The following SCAF8 variants were observed in gnomAD, a reference collection of about 807,000 sequenced individuals.
SCAF8 encodes SR-related and CTD-associated factor 8.
SCAF8 carries 23 observed loss-of-function variants against 140.5 expected under a neutral mutation model. The observed-to-expected ratio is 0.16, with a 90% CI of 0.12 to 0.23. The LOEUF is 0.23. SCAF8 is among the 10% of genes least tolerant of loss of function. The pLI is 1.00. For synonymous variants in SCAF8, 575 were observed against 528.9 expected (o/e 1.09, Z -1.20); for missense variants, 1,397 against 1,555.7 (o/e 0.90, Z 1.72).
chr6:154,823,490 C>A (rs1014002143), intron 16 of SCAF8, among the ~76,000 whole-genome samples: 1 of 152,066 alleles, frequency 6.6e-6, no homozygotes, highest in Non-Finnish European at 1.5e-5. Context: ...TGGTCAGATA[C>A]TAGGTGTATT....
rs759919972 is a variant in SCAF8, at chr6:154,733,838, C to G, written c.-63C>G. 1 of 1,526,126 alleles carries G rather than the reference C, an allele frequency of 6.6e-7. No homozygotes were observed. The highest frequency in any genetic ancestry group is 1.4e-5 in the African/African-American group (1 of 69,200). The allele number at this position is 1,526,126 out of a possible 1,614,324, so 94.5% of individuals were successfully genotyped here. A position where few individuals can be genotyped will look rare whatever the true frequency, so the allele number is the denominator to read the frequency against. ...ACGCAGCAGCCCGCGTCTCGCTCTC[C>G]CCACCCAGTGCAGTGGCCGCCGCCT... is the stretch of plus-strand genomic sequence containing the variant. On this transcript the variant is annotated 5_prime_UTR_variant, in exon 1 of 20. Coordinates refer to ENST00000367178, the MANE Select transcript of SCAF8 (RefSeq NM_014892.5).
intron 1 of SCAF8, among the ~76,000 whole-genome samples, chr6:154,737,003 G>GT (rs1324510956): frequency 3.3e-5 from 5 of 152,004 alleles, no homozygotes; most frequent in Admixed American, 2.6e-4. Context: ...ACATAATACT[G>GT]TTTTTTATTT....
At chr6:154,764,228 GAATT>G (rs1425504067) in intron 1 of SCAF8, among the ~76,000 whole-genome samples, 1 of 151,270 alleles carries the variant, frequency 6.6e-6, no homozygotes, top group Non-Finnish European at 1.5e-5. Flanking sequence ...CATAAAGAAT[GAATT>G]AATTACACTG....
chr6:154,833,033 C>G lies in SCAF8; in HGVS notation c.3454C>G (p.Arg1152Gly). ...GQEVHRDFDD[R>G]RRPWERQRDR... ...AGAAGTTCACAGAGATTTTGATGAC[C>G]GCAGAAGACCCTGGGAGAGGCAAAG... The change falls in exon 20 of 20, where the codon CGC becomes GGC. Residue 1152 changes from arginine to glycine, a missense_variant. Arg to Gly is a moderately radical substitution (Grantham distance 125). Transcript: ENST00000367178. The G allele has an allele frequency of 3.1e-6, 5 of 1,614,040 alleles. 1 individual carries two copies. Among genetic ancestry groups the G allele is most frequent in the Non-Finnish European group, 4.2e-6 (5 of 1,179,992 alleles).
chr6:154,759,238 G>C (rs961261989), intron 1 of SCAF8, among the ~76,000 whole-genome samples: 1 of 152,162 alleles, frequency 6.6e-6, no homozygotes, highest in Non-Finnish European at 1.5e-5. Flanking sequence ...ACTGTAAAGC[G>C]TATGTACCTT....
chr6:154,820,060 T>C, intron 14 of SCAF8, 117 bp from the exon 15 acceptor site: 1 of 758,118 alleles, frequency 1.3e-6, no homozygotes, highest in Non-Finnish European at 1.9e-6. Flanking sequence ...TTTCCAGCTG[T>C]TTTCTAAAAC....
At chr6:154,770,386 ACACTCTCTCT>A (rs1326846998) in intron 1 of SCAF8, among the ~76,000 whole-genome samples, 19 of 133,428 alleles carry the variant, frequency 1.4e-4, no homozygotes, top group African/African-American at 5.4e-4. Flanking sequence ...ACACACACAC[ACACTCTCTCT>A]CTCTCTCTCT....
chr6:154,775,631 A>T (rs971155154), intron 2 of SCAF8, among the ~76,000 whole-genome samples: 2 of 152,198 alleles, frequency 1.3e-5, no homozygotes, highest in African/African-American at 2.4e-5. Flanking sequence ...CTCTTTGGAC[A>T]CAGTGGGACA....
At chr6:154,822,501 C>A in intron 16 of SCAF8, 92 bp downstream of exon 16, 1 of 1,268,298 alleles carries the variant, frequency 7.9e-7, no homozygotes, top group Non-Finnish European at 1.1e-6. Flanking sequence ...GAATGAAAAT[C>A]TCCATATTAG....
chr6:154,827,811 C>T (rs1169963789), intron 18 of SCAF8, among the ~76,000 whole-genome samples: 2 of 147,956 alleles, frequency 1.4e-5, no homozygotes, highest in African/African-American at 2.5e-5. Context: ...GTCCTCCTGC[C>T]CCACACCTTT....
chr6:154,740,625 C>CT (rs66980794), intron 1 of SCAF8, among the ~76,000 whole-genome samples: 32,345 of 138,330 alleles, frequency 0.23, 4,540 homozygotes, highest in African/African-American at 0.39. Flanking sequence ...TTTTCTTTTT[C>CT]TTTTTTTTTT....
chr6:154,822,158 A>G (rs1367194444), intron 15 of SCAF8, 118 bp from the exon 16 acceptor site: 3 of 1,038,292 alleles, frequency 2.9e-6, no homozygotes, highest in East Asian at 2.5e-5. Context: ...GGTTGTGGAT[A>G]TATCTTAAAG....
chr6:154,784,678 T>G (rs190064465), intron 3 of SCAF8, among the ~76,000 whole-genome samples: 9 of 152,160 alleles, frequency 5.9e-5, no homozygotes, highest in Admixed American at 5.2e-4. Context: ...TGATTTAAAG[T>G]AGATGGGATG....
rs1778716217 is a variant in SCAF8, at chr6:154,831,061, A to G, written c.2280A>G (p.Pro760=). 6.2e-7 allele frequency: 1 copy of G among 1,614,014 alleles called. No homozygotes were observed. The highest frequency in any genetic ancestry group is 8.5e-7 in the Non-Finnish European group (1 of 1,179,938). ...ALPAGNVFNA[P]TKQAEPEEKV... ...CAGCTGGAAATGTTTTTAATGCTCCAACTAAACAGGCAGAGCCTGAAGAAA... is the reference window on the plus strand; with the variant it reads ...CAGCTGGAAATGTTTTTAATGCTCCGACTAAACAGGCAGAGCCTGAAGAAA... Residue 760 remains proline, a synonymous_variant, in exon 19 of 20, where the codon CCA becomes CCG. Coordinates refer to ENST00000367178, the MANE Select transcript of SCAF8 (RefSeq NM_014892.5).
At chr6:154,831,866 A>G in intron 19 of SCAF8, 73 bp from the exon 20 acceptor site, 2 of 1,276,874 alleles carry the variant, frequency 1.6e-6, no homozygotes. Flanking sequence ...GGATACAAGT[A>G]GCTGATTAAG....
intron 18 of SCAF8, among the ~76,000 whole-genome samples, chr6:154,828,244 A>G (rs1778625749): frequency 6.6e-6 from 1 of 152,208 alleles, no homozygotes; most frequent in Non-Finnish European, 1.5e-5. Context: ...CTTAACTTAA[A>G]TGAAGAAAAA....
chr6:154,753,952 C>G (rs965220082), intron 1 of SCAF8, among the ~76,000 whole-genome samples: 45 of 152,208 alleles, frequency 3.0e-4, no homozygotes, highest in African/African-American at 1.1e-3. Flanking sequence ...ATCCTCCCTC[C>G]TCGGCCTCCC....
chr6:154,749,066 C>T (rs972832656), intron 1 of SCAF8, among the ~76,000 whole-genome samples: 2 of 152,236 alleles, frequency 1.3e-5, no homozygotes, highest in East Asian at 1.9e-4. Flanking sequence ...CTCAGCCTCC[C>T]GAGTAGCTGG....
intron 4 of SCAF8, among the ~76,000 whole-genome samples, chr6:154,790,819 G>A (rs115306911): frequency 1.1e-3 from 162 of 151,926 alleles, no homozygotes; most frequent in African/African-American, 3.7e-3. Flanking sequence ...CTCTTTTTTC[G>A]TACTTGATTT....
Sources: allele counts gnomAD v4.1 joint callset (sites outside exome capture counted in the v4.1 genomes callset), GRCh38; gene constraint gnomAD v4.1.1; transcripts MANE v1.5; gene names NCBI Gene and HGNC (gene_info 2026-07-23, HGNC 2026-07-21).